The following CYP51A1 variants were observed in gnomAD, a reference collection of about 807,000 sequenced individuals.
CYP51A1 encodes the protein cytochrome P450 family 51 subfamily A member 1.
A neutral mutation model predicts 53.5 loss-of-function variants in CYP51A1; 45 were observed. The observed-to-expected ratio is 0.84, with a 90% CI of 0.66 to 1.08. The LOEUF (loss-of-function observed/expected upper bound fraction) is 1.08. Ranked by LOEUF, CYP51A1 falls within the 50% of genes least tolerant of loss-of-function variation. The pLI, the probability that CYP51A1 is intolerant of heterozygous loss-of-function variation, is 0.00. For missense variants in CYP51A1, 462 were observed against 621.7 expected (o/e 0.74, Z 2.73); for synonymous variants, 181 against 217.7 (o/e 0.83, Z 1.48).
chr7:92,114,288 C>T (rs1819536389), intron 9 of CYP51A1, among the ~76,000 whole-genome samples: 1 of 152,098 alleles, frequency 6.6e-6, no homozygotes, highest in African/African-American at 2.4e-5. Flanking sequence ...TAAAAAGTCA[C>T]ACCCATGTAG....
chr7:92,122,888 A>T (rs1819718318), intron 7 of CYP51A1, among the ~76,000 whole-genome samples: 1 of 152,220 alleles, frequency 6.6e-6, no homozygotes, highest in Non-Finnish European at 1.5e-5. Flanking sequence ...TACCAAAGAA[A>T]CATCCCCAAG....
Position 92,113,843 on chromosome 7 carries a change from C to A in CYP51A1, c.1352G>T (p.Gly451Val). ...ATTTTCCCCAATACAACGATGACGCCCTAAAAAAAAGAAAAAGTTATAAGA... is the reference window on the plus strand; with the variant it reads ...ATTTTCCCCAATACAACGATGACGCACTAAAAAAAAGAAAAAGTTATAAGA... ...EKFAYVPFGA[G>V]RHRCIGENFA... Residue 451 changes from glycine to valine, a missense_variant and splice_region_variant, in exon 10 of 10, where the codon GGG (glycine) becomes GTG (valine). Transcript: ENST00000003100. 1.3e-6 allele frequency: 2 copies of A among 1,570,742 alleles called. No homozygotes were observed. The highest frequency in any genetic ancestry group is 1.7e-6 in the Non-Finnish European group (2 of 1,163,382).
Position 92,127,524 on chromosome 7 carries a change from C to T in CYP51A1, c.576G>A (p.Trp192Ter), listed in dbSNP as rs1418779389. The change falls in exon 4 of 10, where the codon TGG (tryptophan) becomes TGA (stop). Residue 192 changes from tryptophan to a stop codon, truncating the protein, a stop_gained. Transcript: ENST00000003100. LOFTEE classifies it high-confidence loss of function. The part of the protein sequence containing the change: ...EKETKEYFES[W>*]GESGEKNVFE... ...GCTTACTTTTTTCTCCACTTTCTCC[C>T]CAACTCTCAAAGTATTCCTTTGTTT... 1 of 1,610,444 alleles carries T rather than the reference C, an allele frequency of 6.2e-7. No individual in the cohort carries two copies. The highest frequency in any genetic ancestry group is 1.1e-5 in the South Asian group (1 of 89,936).
chr7:92,115,443 G>T (rs1414892443), intron 9 of CYP51A1, among the ~76,000 whole-genome samples: 1 of 152,144 alleles, frequency 6.6e-6, no homozygotes, highest in Non-Finnish European at 1.5e-5. Context: ...GAAGACAGGG[G>T]TAGTAATTGG....
intron 3 of CYP51A1, 43 bp from the exon 4 acceptor site, chr7:92,127,674 T>C (rs746249730): frequency 6.2e-7 from 1 of 1,601,988 alleles, no homozygotes; most frequent in East Asian, 2.2e-5. Context: ...TAAAACACAT[T>C]TTTGTTTTAT....
At chr7:92,134,623 C>T, upstream of CYP51A1, 1 of 463,924 alleles carries the variant, frequency 2.2e-6, no homozygotes, top group South Asian at 3.8e-5. Flanking sequence ...AGGAAGCGGG[C>T]TGCGCCTGTG....
intron 9 of CYP51A1, among the ~76,000 whole-genome samples, chr7:92,116,431 T>C (rs558609538): frequency 6.6e-6 from 1 of 152,308 alleles, no homozygotes; most frequent in South Asian, 2.1e-4. Context: ...AAATGATCCC[T>C]TTGGAAAGAC....
chr7:92,117,712 G>A lies in CYP51A1; in HGVS notation c.1183-500C>T, dbSNP rs184595187. ...AGCATTAAAGATTAGCATGTAGGCC[G>A]GGCGCGGGATTACACCTGTAATCCC... On this transcript the variant is annotated intron_variant, in intron 8 of 9. Transcript: ENST00000003100. 2.1e-3 allele frequency among the ~76,000 whole-genome samples: 324 copies of A among 152,210 alleles called. 7 individuals carry two copies. Among genetic ancestry groups the A allele is most frequent in the Admixed American group, 0.019 (291 of 15,280 alleles).
At chr7:92,117,023 T>A (rs1563177268) in intron 9 of CYP51A1, 21 bp downstream of exon 9, 3 of 1,583,328 alleles carry the variant, frequency 1.9e-6, no homozygotes, top group Non-Finnish European at 2.6e-6. Flanking sequence ...ACATTTCCAA[T>A]CTAAAATATA....
Position 92,113,876 on chromosome 7 carries a change from TA to T in CYP51A1, c.1352-34del, listed in dbSNP as rs777528837. 4 of 1,482,694 alleles carry T rather than the reference TA, an allele frequency of 2.7e-6. No individual in the cohort carries two copies. The East Asian group carries it at 9.1e-5, about 34-fold the overall frequency. The allele number at this position is 1,482,694 out of a possible 1,614,324, so 91.8% of individuals were successfully genotyped here. A position where few individuals can be genotyped will look rare whatever the true frequency, so the allele number is the denominator to read the frequency against. On this transcript the variant is annotated intron_variant, in intron 9 of 9. Coordinates refer to ENST00000003100, the MANE Select transcript of CYP51A1 (RefSeq NM_000786.4). ...AAAGAAAAAGTTATAAGAATCAGTTTAAATTCTTTCTCATCCTTTTTAGCCT... is the reference window on the plus strand; with the variant it reads ...AAAGAAAAAGTTATAAGAATCAGTTTAATTCTTTCTCATCCTTTTTAGCCT...
chr7:92,134,074 T>A (rs1819986451), intron 1 of CYP51A1, 99 bp downstream of exon 1: 1 of 1,155,656 alleles, frequency 8.7e-7, no homozygotes, highest in Non-Finnish European at 1.2e-6. Context: ...GCCCTTGCCA[T>A]CCACTGAGCC....
intron 8 of CYP51A1, among the ~76,000 whole-genome samples, chr7:92,118,091 C>G (rs1487695136): frequency 6.6e-6 from 1 of 151,818 alleles, no homozygotes; most frequent in Admixed American, 6.6e-5. Flanking sequence ...GATTATTCTA[C>G]TTTTTTAATT....
rs778223024 is a variant in CYP51A1 at position 92,128,861 on chromosome 7, T to C, written c.468+19A>G. The C allele has an allele frequency of 9.4e-6, 15 of 1,600,292 alleles. No homozygotes were observed. The highest frequency in any genetic ancestry group is 1.3e-5 in the Non-Finnish European group (15 of 1,172,798). The stretch of plus-strand genomic sequence containing the variant: ...TGAGGTATAGATTTGTCTTTATTTA[T>C]GGTAACAGTGTCACCTACTGGATTA... On this transcript the variant is annotated intron_variant, in intron 3 of 9. Coordinates refer to ENST00000003100, the MANE Select transcript of CYP51A1 (RefSeq NM_000786.4).
intron 7 of CYP51A1, among the ~76,000 whole-genome samples, chr7:92,122,771 A>T (rs1328670116): frequency 6.6e-6 from 1 of 152,222 alleles, no homozygotes; most frequent in Non-Finnish European, 1.5e-5. Flanking sequence ...CACTCTGGAC[A>T]TACAGAATTC....
intron 7 of CYP51A1, among the ~76,000 whole-genome samples, chr7:92,119,169 C>CA: frequency 6.6e-6 from 1 of 152,208 alleles, no homozygotes; most frequent in South Asian, 2.1e-4. Flanking sequence ...ACTGAAGGCG[C>CA]CTGAGATGGT....
At chr7:92,128,807 TATA>T in intron 3 of CYP51A1, 70 bp downstream of exon 3, 1 of 1,320,688 alleles carries the variant, frequency 7.6e-7, no homozygotes, top group Non-Finnish European at 1.0e-6. Context: ...ATTTTAAATG[TATA>T]ATGTCTCACT....
chr7:92,131,874 TA>T lies in CYP51A1; in HGVS notation c.193-3del. On this transcript the variant is annotated splice_polypyrimidine_tract_variant and splice_region_variant and intron_variant, in intron 1 of 9. Coordinates refer to ENST00000003100, the MANE Select transcript of CYP51A1 (RefSeq NM_000786.4). ...GGAGAAAATGTATGGAGGACTTTTCTACAAGAGAAAAAAATAGTAAATTCAA... is the reference window on the plus strand; with the variant it reads ...GGAGAAAATGTATGGAGGACTTTTCTCAAGAGAAAAAAATAGTAAATTCAA... The T allele has an allele frequency of 6.5e-7, 1 of 1,529,444 alleles. No individual in the cohort carries two copies. Among genetic ancestry groups the T allele is most frequent in the Non-Finnish European group, 9.0e-7 (1 of 1,105,176 alleles). The allele number at this position is 1,529,444 out of a possible 1,614,324, so 94.7% of individuals were successfully genotyped here. A position where few individuals can be genotyped will look rare whatever the true frequency, so the allele number is the denominator to read the frequency against.
intron 2 of CYP51A1, among the ~76,000 whole-genome samples, chr7:92,129,691 T>C (rs897535500): frequency 1.3e-5 from 2 of 152,164 alleles, no homozygotes; most frequent in African/African-American, 4.8e-5. Flanking sequence ...CTGTCCCAAC[T>C]CACCAAGCTT....
intron 1 of CYP51A1, among the ~76,000 whole-genome samples, chr7:92,132,573 C>T (rs1819945399): frequency 6.6e-6 from 1 of 152,092 alleles, no homozygotes; most frequent in Non-Finnish European, 1.5e-5. Context: ...TGTTTCTTCA[C>T]TACTTACTAC....
Sources: allele counts gnomAD v4.1 joint callset (sites outside exome capture counted in the v4.1 genomes callset), GRCh38; gene constraint gnomAD v4.1.1; transcripts MANE v1.5; gene names NCBI Gene and HGNC (gene_info 2026-07-23, HGNC 2026-07-21).